Variants in VWA3B observed in about 807,000 individuals in gnomAD.
VWA3B encodes von Willebrand factor A domain-containing protein 3B.
VWA3B carries 138 observed loss-of-function variants against 158.3 expected under a neutral mutation model. The observed-to-expected ratio is 0.87, with a 90% CI of 0.76 to 1.00. VWA3B has a LOEUF of 1.00. VWA3B is among the 50% of genes least tolerant of loss of function. VWA3B has a pLI of 0.00. For synonymous variants in VWA3B, 596 were observed against 587.3 expected, an observed-to-expected ratio of 1.01 and a Z score of -0.21; for missense variants, 1,555 against 1,565.1, an observed-to-expected ratio of 0.99 and a Z score of 0.11.
At chr2:98,248,829 TTC>T (rs539845951) in intron 19 of VWA3B, among the ~76,000 whole-genome samples, 6 of 18,756 alleles carry the variant, frequency 3.2e-4, no homozygotes, top group East Asian at 0.013. Context: ...TTCTTTTTCT[TTC>T]TTTCTTTCTT....
intron 7 of VWA3B, among the ~76,000 whole-genome samples, chr2:98,142,345 C>T (rs574155302): frequency 2.0e-5 from 3 of 152,272 alleles, no homozygotes; most frequent in Admixed American, 6.5e-5. Context: ...CCTGTCTTCT[C>T]TTGGGGCCTG....
At chr2:98,317,608 T>C (rs935732669), downstream of VWA3B, among the ~76,000 whole-genome samples, 9 of 152,242 alleles carry the variant, frequency 5.9e-5, no homozygotes, top group Non-Finnish European at 1.2e-4. Context: ...ATAATAAGTC[T>C]TTCAACCAAT....
At chr2:98,268,604 T>C (rs1406898291) in intron 21 of VWA3B, among the ~76,000 whole-genome samples, 28 of 152,116 alleles carry the variant, frequency 1.8e-4, no homozygotes, top group Admixed American at 1.2e-3. Flanking sequence ...TTGTCTCTGT[T>C]TTCTTTTAGC....
intron 7 of VWA3B, among the ~76,000 whole-genome samples, chr2:98,155,512 T>C (rs900759049): frequency 4.6e-5 from 7 of 152,198 alleles, no homozygotes; most frequent in African/African-American, 1.4e-4. Flanking sequence ...TGAGCCTCGG[T>C]GTGCTCATCT....
intron 12 of VWA3B, chr2:98,206,497 A>G: frequency 2.1e-6 from 1 of 465,308 alleles, no homozygotes; most frequent in Non-Finnish European, 4.2e-6. Flanking sequence ...ATGGTACAGA[A>G]GGCTTGTTTA....
intron 21 of VWA3B, 27 bp from the exon 22 acceptor site, chr2:98,270,651 CTGTT>C (rs752935633): frequency 2.5e-5 from 40 of 1,588,414 alleles, no homozygotes; most frequent in African/African-American, 2.4e-4. Context: ...GTTTCTTCCT[CTGTT>C]TGTTTGTTTG....
chr2:98,236,201 G>A (rs1212421742), intron 17 of VWA3B, among the ~76,000 whole-genome samples, 189 bp from the exon 18 acceptor site: 1 of 152,142 alleles, frequency 6.6e-6, no homozygotes, highest in Non-Finnish European at 1.5e-5. Flanking sequence ...CCATGCATTG[G>A]TCTGTAGTGT....
At chr2:98,106,872 C>T (rs191673070) in intron 2 of VWA3B, among the ~76,000 whole-genome samples, 2 of 152,286 alleles carry the variant, frequency 1.3e-5, no homozygotes, top group Admixed American at 6.5e-5. Context: ...TGCTCTGTTA[C>T]GCTGGCTAGA....
At chr2:98,286,652 T>C (rs1037033352) in intron 22 of VWA3B, among the ~76,000 whole-genome samples, 13 of 152,166 alleles carry the variant, frequency 8.5e-5, no homozygotes, top group Non-Finnish European at 1.6e-4. Context: ...ATATAATCCT[T>C]CTTATACAAT....
chr2:98,240,497 G>A (rs62156686), intron 19 of VWA3B, among the ~76,000 whole-genome samples: 20,724 of 152,222 alleles, frequency 0.14, 2,128 homozygotes, highest in Non-Finnish European at 0.2. Context: ...AAGGGTATGT[G>A]CATTTTAAAT....
chr2:98,260,478 A>G (rs571103252), intron 21 of VWA3B, among the ~76,000 whole-genome samples: 9 of 151,898 alleles, frequency 5.9e-5, no homozygotes, highest in Admixed American at 1.3e-4. Flanking sequence ...ACTATGCAGC[A>G]TTTACATTGT....
chr2:98,200,798 G>T (rs1043615741), intron 12 of VWA3B, among the ~76,000 whole-genome samples: 10 of 152,184 alleles, frequency 6.6e-5, no homozygotes, highest in Non-Finnish European at 1.3e-4. Flanking sequence ...AAATGTAATG[G>T]TTTTACATTC....
intron 7 of VWA3B, among the ~76,000 whole-genome samples, chr2:98,149,936 A>G (rs1266000290): frequency 3.3e-5 from 5 of 152,228 alleles, no homozygotes; most frequent in Non-Finnish European, 7.3e-5. Context: ...TTTAATTTTG[A>G]TGTTTGATAC....
At chr2:98,326,278 C>G in the VWA3B span, among the ~76,000 whole-genome samples, 1 of 152,000 alleles carries the variant, frequency 6.6e-6, no homozygotes, top group Non-Finnish European at 1.5e-5. Context: ...CAAACTATTT[C>G]CTGAAAATTC....
At chr2:98,274,126 C>T (rs183378633) in intron 22 of VWA3B, among the ~76,000 whole-genome samples, 1 of 152,296 alleles carries the variant, frequency 6.6e-6, no homozygotes, top group Non-Finnish European at 1.5e-5. Context: ...TTTTCTGTCT[C>T]CCTGGGATCT....
intron 22 of VWA3B, among the ~76,000 whole-genome samples, chr2:98,279,876 A>G (rs952845752): frequency 1.1e-4 from 16 of 152,210 alleles, no homozygotes; most frequent in African/African-American, 3.9e-4. Flanking sequence ...AAGGAAGGGC[A>G]GAGAGCAAGG....
intron 26 of VWA3B, among the ~76,000 whole-genome samples, chr2:98,305,474 T>C (rs1012419301): frequency 1.4e-4 from 22 of 152,178 alleles, no homozygotes; most frequent in Non-Finnish European, 2.6e-4. Flanking sequence ...GATGTGAAGA[T>C]TGGGGACGGT....
intron 26 of VWA3B, among the ~76,000 whole-genome samples, chr2:98,310,290 C>T (rs1013879411): frequency 1.3e-5 from 2 of 152,158 alleles, no homozygotes; most frequent in African/African-American, 4.8e-5. Flanking sequence ...ATGCTTTATT[C>T]AGCAAAGGGG....
chr2:98,279,669 T>C (rs1191447830), intron 22 of VWA3B, among the ~76,000 whole-genome samples: 5 of 152,056 alleles, frequency 3.3e-5, no homozygotes, highest in Non-Finnish European at 5.9e-5. Flanking sequence ...GCTGTTATCA[T>C]CCCCAGACTT....
Sources: allele counts gnomAD v4.1 joint callset (sites outside exome capture counted in the v4.1 genomes callset), GRCh38; gene constraint gnomAD v4.1.1; transcripts MANE v1.5; gene names NCBI Gene and HGNC (gene_info 2026-07-23, HGNC 2026-07-21).